ANK2: variants seen among roughly 807,000 people sequenced by gnomAD.
ANK2 encodes ankyrin 2.
ANK2 carries 83 observed loss-of-function variants against 360.5 expected under a neutral mutation model. The observed-to-expected ratio is 0.23, with a 90% confidence interval of 0.19 to 0.28. The LOEUF (loss-of-function observed/expected upper bound fraction) is 0.28, where lower values mean the gene tolerates loss of function less well. Ranked by LOEUF, ANK2 falls within the 10% of genes least tolerant of loss-of-function variation. The pLI is 1.00. For synonymous variants in ANK2, 1,740 were observed against 1,759.5 expected (o/e 0.99, Z 0.28); for missense variants, 4,201 against 4,795.7 (o/e 0.88, Z 3.66).
Position 113,262,836 on chromosome 4 carries a change from G to T in ANK2, c.1387-2061G>T, listed in dbSNP as rs938555225. ...GCATCCATGTATTTTGGTATTGGTGGGGGAAACAGGAGGCCTGGGACCAAT... is the reference window on the plus strand; with the variant it reads ...GCATCCATGTATTTTGGTATTGGTGTGGGAAACAGGAGGCCTGGGACCAAT... On this transcript the variant is annotated intron_variant, in intron 13 of 45. Coordinates refer to ENST00000357077, the MANE Select transcript of ANK2 (RefSeq NM_001148.6). Among the ~76,000 whole-genome samples the T allele has an allele frequency of 6.5e-4, 98 of 151,752 alleles. 3 individuals carry two copies. The highest frequency in any genetic ancestry group is 2.1e-4 in the Non-Finnish European group (14 of 67,992).
the ANK2 span, among the ~76,000 whole-genome samples, chr4:112,769,462 T>G: frequency 6.6e-6 from 1 of 152,260 alleles, no homozygotes; most frequent in Non-Finnish European, 1.5e-5. Context: ...TTACCGAAGT[T>G]AGACTTGGAG....
chr4:113,299,432 C>T (rs971170176), intron 22 of ANK2, among the ~76,000 whole-genome samples: 1 of 152,158 alleles, frequency 6.6e-6, no homozygotes, highest in East Asian at 1.9e-4. Flanking sequence ...AGGTCAGCCG[C>T]GGTAGCTCAC....
At position 113,358,911 on chromosome 4, in the gene ANK2, G is replaced by A. The variant is rs2096010423; in HGVS notation, c.10293G>A (p.Gly3431=). ...AACTTGAGTTAGAATCAGAAGAAGGGGCCACAAGACCAAAGATACTTACAT... is the reference window on the plus strand; with the variant it reads ...AACTTGAGTTAGAATCAGAAGAAGGAGCCACAAGACCAAAGATACTTACAT... ...AEELELESEE[G]ATRPKILTSR... Residue 3431 remains glycine, a synonymous_variant, in exon 38 of 46, where the codon GGG becomes GGA. Coordinates refer to ENST00000357077, the MANE Select transcript of ANK2 (RefSeq NM_001148.6). The A allele has an allele frequency of 6.2e-7, 1 of 1,613,790 alleles. No homozygotes were observed.
Position 113,172,584 on chromosome 4 carries a change from A to T in ANK2, c.85-1832A>T, listed in dbSNP as rs76263372. On this transcript the variant is annotated intron_variant, in intron 1 of 45. Transcript: ENST00000357077. ...ACTCCTTGAGCTCTGTTCCTGACCC[A>T]CTAAACCCTCAGTAAATGTTACCTA... is the stretch of plus-strand genomic sequence containing the variant. Among the ~76,000 whole-genome samples, 1,409 of 152,268 alleles carry T rather than the reference A, an allele frequency of 9.3e-3. 12 individuals are homozygous for T. Among genetic ancestry groups the T allele is most frequent in the African/African-American group, 0.017 (693 of 41,560 alleles).
At chr4:113,246,095 C>T (rs917521584) in intron 9 of ANK2, among the ~76,000 whole-genome samples, 6 of 152,152 alleles carry the variant, frequency 3.9e-5, no homozygotes, top group Admixed American at 2.6e-4. Flanking sequence ...CACACCCGGC[C>T]GGAATGTTTT....
intron 45 of ANK2, among the ~76,000 whole-genome samples, chr4:113,374,053 A>G (rs551099956): frequency 4.6e-5 from 7 of 152,280 alleles, no homozygotes; most frequent in Admixed American, 4.6e-4. Context: ...CCTCCCGAGT[A>G]GCTGGGATTA....
the ANK2 span, among the ~76,000 whole-genome samples, chr4:112,759,811 T>A: frequency 6.6e-6 from 1 of 152,148 alleles, no homozygotes; most frequent in African/African-American, 2.4e-5. Flanking sequence ...ATATATATAT[T>A]TTTCTCTTTC....
intron 17 of ANK2, among the ~76,000 whole-genome samples, chr4:113,280,068 C>G (rs989485320): frequency 6.6e-6 from 1 of 152,008 alleles, no homozygotes; most frequent in Non-Finnish European, 1.5e-5. Flanking sequence ...ACTTAACATA[C>G]CAGCATTTTT....
At chr4:113,132,880 T>C (rs567071873) in intron 1 of ANK2, among the ~76,000 whole-genome samples, 9 of 152,164 alleles carry the variant, frequency 5.9e-5, no homozygotes, top group Non-Finnish European at 1.2e-4. Flanking sequence ...ATATTGATTA[T>C]GGGACAAAGC....
At chr4:112,747,982 G>T in the ANK2 span, among the ~76,000 whole-genome samples, 7 of 152,220 alleles carry the variant, frequency 4.6e-5, no homozygotes, top group Admixed American at 4.6e-4. Flanking sequence ...TTGATAAAAG[G>T]ATTTGGCTAT....
intron 1 of ANK2, among the ~76,000 whole-genome samples, chr4:113,156,389 A>C (rs62313836): frequency 0.66 from 88,454 of 133,570 alleles, 30,229 homozygotes; most frequent in African/African-American, 0.79. Flanking sequence ...TTTGTTTTTG[A>C]GACAGAGTTT....
chr4:112,839,928 C>A (rs2061748225), intron 1 of ANK2, among the ~76,000 whole-genome samples: 2 of 152,144 alleles, frequency 1.3e-5, no homozygotes, highest in South Asian at 4.1e-4. Context: ...TATTTGTAAT[C>A]TTTCTTGGCC....
chr4:112,926,130 C>T (rs2092519775), intron 2 of ANK2, among the ~76,000 whole-genome samples: 1 of 152,108 alleles, frequency 6.6e-6, no homozygotes, highest in Non-Finnish European at 1.5e-5. Flanking sequence ...GTCAGGGAGA[C>T]AGTATTTAAA....
At chr4:113,173,249 G>A (rs1223509365) in intron 1 of ANK2, among the ~76,000 whole-genome samples, 5 of 152,110 alleles carry the variant, frequency 3.3e-5, no homozygotes, top group African/African-American at 1.2e-4. Context: ...TTCCATATTT[G>A]AAACTCCCAG....
the ANK2 span, among the ~76,000 whole-genome samples, chr4:112,744,009 TG>T: frequency 1.3e-5 from 2 of 151,882 alleles, no homozygotes; most frequent in Non-Finnish European, 2.9e-5. Context: ...TTTTTGTATT[TG>T]TTTTTTTAGT....
chr4:113,062,467 A>G (rs938662507), intron 1 of ANK2, among the ~76,000 whole-genome samples: 6 of 152,236 alleles, frequency 3.9e-5, no homozygotes, highest in Middle Eastern at 3.4e-3. Flanking sequence ...TTCTGGCTGT[A>G]TAGCTCTTTG....
rs538969865 is a variant in ANK2 at position 112,881,036 on chromosome 4, CTG to C, written c.-39-23418_-39-23417del. Among the ~76,000 whole-genome samples the C allele has an allele frequency of 1.7e-3, 258 of 152,318 alleles. 1 individual carries two copies. Among genetic ancestry groups the C allele is most frequent in the Admixed American group, 5.2e-3 (79 of 15,302 alleles). On this transcript the variant is annotated intron_variant, in intron 1 of 30. Coordinates refer to the ANK2 transcript ENST00000503271. ...TAACTGCTTAATATTGTAGTCTAAA[CTG>C]AATTCTCACTCTCTTTTATAAAAAT... is the stretch of plus-strand genomic sequence containing the variant.
intron 1 of ANK2, among the ~76,000 whole-genome samples, chr4:113,142,112 C>T (rs1171829852): frequency 2.0e-5 from 3 of 152,158 alleles, no homozygotes; most frequent in Non-Finnish European, 4.4e-5. Context: ...CATTGTTCTG[C>T]CCTGGCAGAA....
At chr4:112,934,587 G>T (rs549046106) in intron 2 of ANK2, among the ~76,000 whole-genome samples, 1 of 152,000 alleles carries the variant, frequency 6.6e-6, no homozygotes, top group Non-Finnish European at 1.5e-5. Flanking sequence ...CCTCTCCTCA[G>T]TATTTATTGT....
Sources: allele counts gnomAD v4.1 joint callset (sites outside exome capture counted in the v4.1 genomes callset), GRCh38; gene constraint gnomAD v4.1.1; transcripts MANE v1.5; gene names NCBI Gene and HGNC (gene_info 2026-07-23, HGNC 2026-07-21).